Variants in AUH observed in about 807,000 individuals in gnomAD.
The protein encoded by AUH is AU RNA binding methylglutaconyl-CoA hydratase, also known as methylglutaconyl-CoA hydratase, mitochondrial.
In AUH, 29 loss-of-function variants were observed where a neutral mutation model predicts 42.3. The observed-to-expected ratio is 0.69, with a 90% confidence interval of 0.51 to 0.93. The LOEUF is 0.93. AUH is among the 40% of genes least tolerant of loss of function. The probability of loss-of-function intolerance (pLI) is 0.00; values close to 1 mark genes in which losing one functional copy is unlikely to be tolerated. For missense variants in AUH, 452 were observed against 438.1 expected (o/e 1.03, Z -0.28); for synonymous variants, 174 against 166.4 (o/e 1.05, Z -0.35).
rs1027899455 is a variant in AUH at position 91,309,061 on chromosome 9, G to C, written c.506-10985C>G. 1.6e-4 allele frequency among the ~76,000 whole-genome samples: 24 copies of C among 151,634 alleles called. No homozygotes were observed. In the South Asian group the frequency reaches 2.9e-3, roughly 18 times the overall value. On this transcript the variant is annotated intron_variant, in intron 4 of 9. Transcript: ENST00000375731. The stretch of plus-strand genomic sequence containing the variant: ...CCAGCCTCGACCTCCCAAAGTGCTG[G>C]GATTACAGGCGTGAGCCACGGCGCC...
At chr9:91,325,434 C>G in intron 3 of AUH, 30 bp from the exon 4 acceptor site, 1 of 1,588,694 alleles carries the variant, frequency 6.3e-7, no homozygotes, top group Non-Finnish European at 8.6e-7. Context: ...CAAATATAAT[C>G]TAGTTGTAAA....
At position 91,325,419 on chromosome 9, in the gene AUH, A is replaced by G; in HGVS notation, c.419-15T>C. On this transcript the variant is annotated splice_polypyrimidine_tract_variant and intron_variant, in intron 3 of 9. Coordinates refer to ENST00000375731, the MANE Select transcript of AUH (RefSeq NM_001698.3). ...AAGGTCAGCACCTGCAAAGTATTTT[A>G]TTTACAAATATAATCTAGTTGTAAA... 2 of 1,609,266 alleles carry G rather than the reference A, an allele frequency of 1.2e-6. No individual in the cohort carries two copies. The highest frequency in any genetic ancestry group is 1.7e-6 in the Non-Finnish European group (2 of 1,175,752).
intron 6 of AUH, among the ~76,000 whole-genome samples, chr9:91,248,311 A>G (rs1219943932): frequency 6.6e-6 from 1 of 152,094 alleles, no homozygotes; most frequent in Admixed American, 6.5e-5. Context: ...TCAATGTTCA[A>G]CTCTGTATTA....
intron 3 of AUH, among the ~76,000 whole-genome samples, chr9:91,353,944 A>G (rs1466335864): frequency 6.6e-6 from 1 of 151,644 alleles, no homozygotes; most frequent in African/African-American, 2.4e-5. Flanking sequence ...AGGCAGGTGG[A>G]TCACCTGAGG....
chr9:91,290,970 TTC>T (rs561746034), intron 6 of AUH, among the ~76,000 whole-genome samples: 1 of 152,190 alleles, frequency 6.6e-6, no homozygotes, highest in Non-Finnish European at 1.5e-5. Flanking sequence ...CTGAAATTTA[TTC>T]TCTCTCAGTT....
intron 4 of AUH, among the ~76,000 whole-genome samples, chr9:91,305,161 C>T (rs1228088899): frequency 1.3e-5 from 2 of 152,110 alleles, no homozygotes; most frequent in Non-Finnish European, 2.9e-5. Flanking sequence ...GAAGAGAACA[C>T]CTATAATTTC....
At chr9:91,256,986 T>C (rs1829436365) in intron 6 of AUH, among the ~76,000 whole-genome samples, 1 of 152,142 alleles carries the variant, frequency 6.6e-6, no homozygotes, top group African/African-American at 2.4e-5. Flanking sequence ...CTTGTAGGTA[T>C]TCTTGGGTTA....
intron 6 of AUH, among the ~76,000 whole-genome samples, chr9:91,283,756 G>A (rs992847582): frequency 3.9e-5 from 6 of 152,028 alleles, no homozygotes; most frequent in Non-Finnish European, 8.8e-5. Context: ...AACTTACAAG[G>A]GATGTGAACG....
intron 6 of AUH, among the ~76,000 whole-genome samples, chr9:91,277,284 G>T (rs1188337488): frequency 1.3e-5 from 2 of 152,124 alleles, no homozygotes; most frequent in Admixed American, 1.3e-4. Context: ...TAGCATGAAA[G>T]AATAATATAC....
intron 6 of AUH, among the ~76,000 whole-genome samples, chr9:91,260,804 T>C (rs1410287157): frequency 6.6e-6 from 1 of 152,176 alleles, no homozygotes; most frequent in African/African-American, 2.4e-5. Flanking sequence ...CTCTGTTCGT[T>C]ATAGTTTTTA....
chr9:91,312,814 C>G (rs1185325423), intron 4 of AUH, among the ~76,000 whole-genome samples: 3 of 152,178 alleles, frequency 2.0e-5, no homozygotes, highest in Non-Finnish European at 4.4e-5. Flanking sequence ...ACTGCCAAGG[C>G]ATTTAATTAC....
At chr9:91,296,668 A>T (rs905121038) in intron 5 of AUH, among the ~76,000 whole-genome samples, 1 of 152,320 alleles carries the variant, frequency 6.6e-6, no homozygotes, top group East Asian at 1.9e-4. Context: ...CCCATATTCT[A>T]ATTTCCAAAA....
At chr9:91,261,274 G>T (rs959321950) in intron 6 of AUH, among the ~76,000 whole-genome samples, 2 of 152,168 alleles carry the variant, frequency 1.3e-5, no homozygotes, top group Non-Finnish European at 2.9e-5. Context: ...TCTTTGCCAA[G>T]CAGGTGGATC....
At position 91,306,263 on chromosome 9, in the gene AUH, A is replaced by G. The variant is rs543362855; in HGVS notation, c.506-8187T>C. On this transcript the variant is annotated intron_variant, in intron 4 of 9. Coordinates refer to ENST00000375731, the MANE Select transcript of AUH (RefSeq NM_001698.3). Reference sequence around the variant, plus strand: ...AAAAAACCCTCCCTAAGGGAAATGCACAGATGACAGGCTGGCAGGGAAGTC... The same window carrying G: ...AAAAAACCCTCCCTAAGGGAAATGCGCAGATGACAGGCTGGCAGGGAAGTC... 8.3e-6 allele frequency: 6 copies of G among 721,808 alleles called. No individual in the cohort carries two copies. In the East Asian group the frequency reaches 7.9e-4, roughly 95 times the overall value. 44.7% of individuals were successfully genotyped at this position (721,808 alleles called of 1,614,324 possible). A position where few individuals can be genotyped will look rare whatever the true frequency, so the allele number is the denominator to read the frequency against.
intron 1 of AUH, chr9:91,360,259 C>A (rs545985041): frequency 1.3e-5 from 2 of 152,260 alleles, no homozygotes; most frequent in South Asian, 2.1e-4. Flanking sequence ...GAAGTGAAGT[C>A]CCGGCATGAC....
chr9:91,316,345 C>T (rs534542644), intron 4 of AUH, among the ~76,000 whole-genome samples: 19 of 152,232 alleles, frequency 1.2e-4, no homozygotes, highest in African/African-American at 4.6e-4. Flanking sequence ...TTTCTTACTA[C>T]AGGTCCAATA....
intron 7 of AUH, among the ~76,000 whole-genome samples, chr9:91,219,633 T>A (rs1315663364): frequency 6.6e-6 from 1 of 152,206 alleles, no homozygotes; most frequent in Non-Finnish European, 1.5e-5. Context: ...GAATAAATTA[T>A]ATAATGGTCC....
chr9:91,260,541 A>T (rs1001993072), intron 6 of AUH, among the ~76,000 whole-genome samples: 3 of 152,188 alleles, frequency 2.0e-5, no homozygotes, highest in African/African-American at 7.2e-5. Flanking sequence ...TTATGAGAGA[A>T]TACAGCTAAC....
chr9:91,298,159 T>C, intron 4 of AUH, 83 bp from the exon 5 acceptor site: 1 of 1,113,250 alleles, frequency 9.0e-7, no homozygotes, highest in South Asian at 1.3e-5. Context: ...TTTCTGTGAA[T>C]TTATGCTTTA....
Sources: gnomAD v4.1 joint callset for allele counts (sites outside exome capture counted in the v4.1 genomes callset) on GRCh38, gnomAD v4.1.1 for gene constraint, MANE v1.5 for transcripts, NCBI Gene and HGNC (gene_info 2026-07-23, HGNC 2026-07-21) for gene names.